Variants in WSB2 observed in about 807,000 individuals in gnomAD.
The protein encoded by WSB2 is WD repeat and SOCS box containing 2.
In WSB2, 12 loss-of-function variants were observed where a neutral mutation model predicts 48.8. The ratio of observed to expected loss-of-function variants is 0.25; its 90% CI spans 0.16 to 0.40. The LOEUF is 0.40. Ranked by LOEUF, WSB2 falls within the 10% of genes least tolerant of loss-of-function variation. WSB2 has a pLI of 1.00. For missense variants in WSB2, 317 were observed against 506.2 expected, an observed-to-expected ratio of 0.63 and a Z score of 3.59; for synonymous variants, 191 against 203.1, an observed-to-expected ratio of 0.94 and a Z score of 0.51.
chr12:118,035,387 C>T, intron 6 of WSB2, 63 bp from the exon 7 acceptor site: 2 of 1,486,948 alleles, frequency 1.3e-6, no homozygotes, highest in Non-Finnish European at 1.9e-6. Context: ...CCTCCATCAT[C>T]ACCCTAGGCA....
intron 2 of WSB2, among the ~76,000 whole-genome samples, chr12:118,045,500 C>T (rs569518061): frequency 6.6e-6 from 1 of 152,104 alleles, no homozygotes; most frequent in Non-Finnish European, 1.5e-5. Context: ...GAGTTCGAGA[C>T]CAGCCTGACC....
chr12:118,049,443 C>T (rs1015964856), intron 2 of WSB2, among the ~76,000 whole-genome samples: 10 of 151,950 alleles, frequency 6.6e-5, no homozygotes, highest in Admixed American at 6.6e-4. Flanking sequence ...GCTCTGTTAC[C>T]CAGGCTGGAG....
intron 1 of WSB2, among the ~76,000 whole-genome samples, chr12:118,053,983 G>T (rs2031902661): frequency 6.6e-6 from 1 of 151,970 alleles, no homozygotes; most frequent in African/African-American, 2.4e-5. Flanking sequence ...AGTTAAATAG[G>T]TAGTATTTTT....
chr12:118,052,017 C>A (rs895901974), intron 2 of WSB2, among the ~76,000 whole-genome samples: 1 of 152,090 alleles, frequency 6.6e-6, no homozygotes, highest in Non-Finnish European at 1.5e-5. Flanking sequence ...GATGGATGCA[C>A]AACTCTGTGG....
intron 1 of WSB2, among the ~76,000 whole-genome samples, chr12:118,055,390 C>A (rs1461282553): frequency 6.6e-6 from 1 of 152,088 alleles, no homozygotes; most frequent in African/African-American, 2.4e-5. Flanking sequence ...CAGATGCAGT[C>A]AAGTATTAAA....
At chr12:118,036,276 T>C in intron 6 of WSB2, 62 bp downstream of exon 6, 1 of 1,558,280 alleles carries the variant, frequency 6.4e-7, no homozygotes, top group Non-Finnish European at 8.8e-7. Context: ...ACATGTCTAA[T>C]CCCAGGCAGG....
intron 1 of WSB2, among the ~76,000 whole-genome samples, chr12:118,056,784 G>A (rs935015088): frequency 6.6e-6 from 1 of 151,752 alleles, no homozygotes; most frequent in Non-Finnish European, 1.5e-5. Flanking sequence ...GCCTGTAGTC[G>A]CAGCTACTCG....
Position 118,033,990 on chromosome 12 carries a change from A to G in WSB2, c.*206T>C, listed in dbSNP as rs1040340170. 2 of 644,536 alleles carry G rather than the reference A, an allele frequency of 3.1e-6. No individual in the cohort carries two copies. The highest frequency in any genetic ancestry group is 3.7e-5 in the African/African-American group (2 of 54,588). 39.9% of individuals were successfully genotyped at this position (644,536 alleles called of 1,614,324 possible). A position where few individuals can be genotyped will look rare whatever the true frequency, so the allele number is the denominator to read the frequency against. The stretch of plus-strand genomic sequence containing the variant: ...AAGGCTCTGTTGCCGTGCAAGTGGA[A>G]TCTCTTCCTCTAAGACTGACTTTCA... On this transcript the variant is annotated 3_prime_UTR_variant, in exon 9 of 9. Transcript: ENST00000315436.
At chr12:118,051,765 G>C (rs1435654370) in intron 2 of WSB2, among the ~76,000 whole-genome samples, 1 of 152,258 alleles carries the variant, frequency 6.6e-6, no homozygotes, top group Non-Finnish European at 1.5e-5. Context: ...CTTGAGGTCA[G>C]GAGTTTGAGA....
chr12:118,045,308 T>G (rs1423473561), intron 2 of WSB2, among the ~76,000 whole-genome samples: 1 of 148,950 alleles, frequency 6.7e-6, no homozygotes, highest in Non-Finnish European at 1.5e-5. Flanking sequence ...GAGCTTGCAG[T>G]GAGCTGAGAT....
intron 8 of WSB2, chr12:118,034,668 A>G: frequency 2.0e-6 from 1 of 493,648 alleles, no homozygotes; most frequent in East Asian, 3.5e-5. Flanking sequence ...ACTGAATTAT[A>G]GATGTTACCT....
At chr12:118,037,532 G>A (rs189989971) in intron 5 of WSB2, among the ~76,000 whole-genome samples, 73 of 152,156 alleles carry the variant, frequency 4.8e-4, no homozygotes, top group Non-Finnish European at 8.8e-4. Context: ...GCCAGGCGTG[G>A]TGTAGCACGC....
chr12:118,050,083 C>T (rs2031820730), intron 2 of WSB2, among the ~76,000 whole-genome samples: 1 of 152,022 alleles, frequency 6.6e-6, no homozygotes, highest in African/African-American at 2.4e-5. Flanking sequence ...GCCTGTAATC[C>T]CAGCTACTCA....
rs1016190429 is a variant in WSB2, at chr12:118,052,186, C to A, written c.182+124G>T. On this transcript the variant is annotated intron_variant, in intron 2 of 8. Transcript: ENST00000315436. ...TACAGAACTTGGGGCTCTGGAAACC[C>A]CCATGATCAATTCCTGAACCATGAG... is the stretch of plus-strand genomic sequence containing the variant. 1.3e-5 allele frequency: 17 copies of A among 1,329,142 alleles called. No individual in the cohort carries two copies. In the Admixed American group the frequency reaches 1.9e-4, roughly 15 times the overall value. 82.3% of individuals were successfully genotyped at this position (1,329,142 alleles called of 1,614,324 possible). A position where few individuals can be genotyped will look rare whatever the true frequency, so the allele number is the denominator to read the frequency against.
At position 118,032,928 on chromosome 12, in the gene WSB2, C is replaced by A. The variant is rs988461522; in HGVS notation, c.*1268G>T. On this transcript the variant is annotated 3_prime_UTR_variant, in exon 9 of 9. Coordinates refer to ENST00000315436, the MANE Select transcript of WSB2 (RefSeq NM_018639.5). Reference sequence around the variant, plus strand: ...AAAAGCTTTTAACTGTTGTTTTTTTCTTTTCTTCAATGAAAGCCTCTCATT... The same window carrying A: ...AAAAGCTTTTAACTGTTGTTTTTTTATTTTCTTCAATGAAAGCCTCTCATT... The A allele has an allele frequency of 6.6e-6, 1 of 151,434 alleles. No individual in the cohort carries two copies. The highest frequency in any genetic ancestry group is 2.4e-5 in the African/African-American group (1 of 41,234). 9.4% of individuals were successfully genotyped at this position (151,434 alleles called of 1,614,324 possible).
chr12:118,044,654 C>T (rs2137780384), intron 2 of WSB2, among the ~76,000 whole-genome samples: 1 of 152,316 alleles, frequency 6.6e-6, no homozygotes, highest in Middle Eastern at 3.4e-3. Context: ...TCCTACAATT[C>T]AACTTACAGT....
intron 6 of WSB2, 121 bp downstream of exon 6, chr12:118,036,217 T>G (rs1159988772): frequency 8.4e-7 from 1 of 1,190,442 alleles, no homozygotes; most frequent in East Asian, 2.4e-5. Context: ...AGACCCACTG[T>G]GCCTTTTTAT....
At chr12:118,037,296 A>G (rs1262074972) in intron 5 of WSB2, among the ~76,000 whole-genome samples, 1 of 152,212 alleles carries the variant, frequency 6.6e-6, no homozygotes, top group Admixed American at 6.5e-5. Context: ...ATCTGTCCCA[A>G]GACTGGGCCT....
upstream of WSB2, chr12:118,061,347 G>A (rs958432224): frequency 1.4e-5 from 3 of 220,550 alleles, no homozygotes; most frequent in Admixed American, 8.4e-5. Flanking sequence ...TTGCTCAGGG[G>A]AAACGGGGGC....
Sources: allele counts gnomAD v4.1 joint callset (sites outside exome capture counted in the v4.1 genomes callset), GRCh38; gene constraint gnomAD v4.1.1; transcripts MANE v1.5; gene names NCBI Gene and HGNC (gene_info 2026-07-23, HGNC 2026-07-21).